Variants in NGEF observed in about 807,000 individuals in gnomAD.
NGEF encodes neuronal guanine nucleotide exchange factor, also known as ephexin-1.
NGEF carries 31 observed loss-of-function variants against 80.9 expected under a neutral mutation model. That is an observed-to-expected ratio of 0.38 (90% CI 0.29 to 0.52). NGEF has a LOEUF of 0.52. NGEF is among the 20% of genes least tolerant of loss of function. The pLI is 0.84. For synonymous variants in NGEF, 371 were observed against 370.2 expected (o/e 1.00, Z -0.03); for missense variants, 709 against 926.2 (o/e 0.77, Z 3.04).
chr2:232,934,103 G>A (rs922308933), intron 3 of NGEF, among the ~76,000 whole-genome samples: 1 of 152,068 alleles, frequency 6.6e-6, no homozygotes, highest in Non-Finnish European at 1.5e-5. Context: ...TTAGCTGGGC[G>A]TGATGGCACG....
At position 232,998,905 on chromosome 2, in the gene NGEF, G is replaced by T. The variant is rs368828710; in HGVS notation, c.-75+14163C>A. ...GTTGCATATCTAGTTCATGGTATGAGGTTCAATATGGGGTCCTCAGTGGGT... is the reference window on the plus strand; with the variant it reads ...GTTGCATATCTAGTTCATGGTATGATGTTCAATATGGGGTCCTCAGTGGGT... On this transcript the variant is annotated intron_variant, in intron 1 of 14. Coordinates refer to ENST00000264051, the MANE Select transcript of NGEF (RefSeq NM_019850.3). Among the ~76,000 whole-genome samples the T allele has an allele frequency of 1.3e-4, 20 of 152,172 alleles. 2 individuals are homozygous for T. In the East Asian group the frequency reaches 2.5e-3, roughly 19 times the overall value.
chr2:232,977,706 G>A (rs1263278499), intron 1 of NGEF, among the ~76,000 whole-genome samples: 1 of 152,160 alleles, frequency 6.6e-6, no homozygotes, highest in Non-Finnish European at 1.5e-5. Flanking sequence ...CTGCTGGACC[G>A]AGGAGCTCAC....
chr2:232,928,265 G>T, intron 3 of NGEF: 1 of 699,926 alleles, frequency 1.4e-6, no homozygotes, highest in Non-Finnish European at 1.7e-6. Flanking sequence ...GGGGGCGCCC[G>T]GGCTGGGCGC....
chr2:232,907,446 T>C (rs1692592576), intron 5 of NGEF, among the ~76,000 whole-genome samples: 1 of 152,166 alleles, frequency 6.6e-6, no homozygotes, highest in Non-Finnish European at 1.5e-5. Flanking sequence ...AGTCACTGAT[T>C]TGGAACATGC....
chr2:232,928,133 C>T, intron 3 of NGEF: 1 of 997,340 alleles, frequency 1.0e-6, no homozygotes, highest in Non-Finnish European at 1.2e-6. Flanking sequence ...CAGCCGCCGC[C>T]GCCACCGCTG....
At chr2:232,890,442 G>T (rs1196767919) in intron 8 of NGEF, among the ~76,000 whole-genome samples, 8 of 152,112 alleles carry the variant, frequency 5.3e-5, no homozygotes. Flanking sequence ...TTCCTTGGCG[G>T]CCTCTTCGGT....
chr2:232,898,802 A>T (rs1157286393), intron 5 of NGEF, among the ~76,000 whole-genome samples: 1 of 152,198 alleles, frequency 6.6e-6, no homozygotes, highest in African/African-American at 2.4e-5. Flanking sequence ...AGGGTAGTGG[A>T]AGGAAGTGTG....
intron 3 of NGEF, among the ~76,000 whole-genome samples, chr2:232,969,089 C>A (rs76781124): frequency 6.6e-6 from 1 of 152,136 alleles, no homozygotes; most frequent in Non-Finnish European, 1.5e-5. Flanking sequence ...CAGCTGAATT[C>A]GGTACTGACT....
At chr2:232,975,095 C>T (rs1240644696) in intron 1 of NGEF, 131 bp from the exon 2 acceptor site, 9 of 567,702 alleles carry the variant, frequency 1.6e-5, no homozygotes, top group Admixed American at 7.1e-5. Flanking sequence ...TCCACGTCTT[C>T]GCCACTGAAA....
At chr2:233,004,441 A>C (rs1340091213) in intron 1 of NGEF, among the ~76,000 whole-genome samples, 2 of 152,158 alleles carry the variant, frequency 1.3e-5, no homozygotes, top group Admixed American at 6.5e-5. Context: ...CCTTGACTCC[A>C]GGCTGATCTG....
chr2:233,011,869 TC>T (rs1695214582), intron 1 of NGEF, among the ~76,000 whole-genome samples: 1 of 152,018 alleles, frequency 6.6e-6, no homozygotes, highest in East Asian at 1.9e-4. Context: ...CCTGTGGGGA[TC>T]CCCTCCCTGG....
intron 1 of NGEF, among the ~76,000 whole-genome samples, chr2:232,998,747 C>T (rs746003595): frequency 3.9e-5 from 6 of 152,088 alleles, no homozygotes; most frequent in Non-Finnish European, 5.9e-5. Flanking sequence ...CCAGGCCAGT[C>T]GTCTCTCTTC....
intron 1 of NGEF, among the ~76,000 whole-genome samples, chr2:232,976,858 C>A (rs1694305094): frequency 1.3e-5 from 2 of 152,206 alleles, no homozygotes; most frequent in Non-Finnish European, 2.9e-5. Context: ...CCTCAGTTTC[C>A]TGATCCATGA....
chr2:232,887,645 T>C (rs866659702), intron 9 of NGEF, among the ~76,000 whole-genome samples: 60 of 152,266 alleles, frequency 3.9e-4, no homozygotes, highest in Middle Eastern at 3.4e-3. Flanking sequence ...CTGGGGTCTG[T>C]GTGGGCCCCA....
chr2:232,965,444 G>A (rs931104999), intron 3 of NGEF, among the ~76,000 whole-genome samples: 1 of 152,126 alleles, frequency 6.6e-6, no homozygotes, highest in South Asian at 2.1e-4. Flanking sequence ...AGAGATGTGG[G>A]CAAGAGCAGG....
At chr2:232,942,440 C>G (rs1242358609) in intron 3 of NGEF, among the ~76,000 whole-genome samples, 3 of 152,184 alleles carry the variant, frequency 2.0e-5, no homozygotes, top group South Asian at 2.1e-4. Context: ...TAGGGATTGT[C>G]GGGTTCCTCT....
At chr2:232,952,301 C>T (rs1489003259) in intron 3 of NGEF, among the ~76,000 whole-genome samples, 3 of 152,250 alleles carry the variant, frequency 2.0e-5, no homozygotes, top group Admixed American at 2.0e-4. Context: ...CAACAGATAT[C>T]TATAGAGCAC....
intron 4 of NGEF, among the ~76,000 whole-genome samples, chr2:232,926,002 C>T (rs1246987601): frequency 6.6e-6 from 1 of 152,068 alleles, no homozygotes; most frequent in African/African-American, 2.4e-5. Flanking sequence ...AGCTCCTCTC[C>T]GGGCTCAGTT....
intron 1 of NGEF, among the ~76,000 whole-genome samples, chr2:232,978,646 A>AG (rs1317338837): frequency 6.6e-6 from 1 of 151,986 alleles, no homozygotes; most frequent in African/African-American, 2.4e-5. Flanking sequence ...AACAGGGAAA[A>AG]GTCCCCTTGT....
Sources: gnomAD v4.1 joint callset for allele counts (sites outside exome capture counted in the v4.1 genomes callset) on GRCh38, gnomAD v4.1.1 for gene constraint, MANE v1.5 for transcripts, NCBI Gene and HGNC (gene_info 2026-07-23, HGNC 2026-07-21) for gene names.